MICALL2: variants seen among roughly 807,000 people sequenced by gnomAD.
MICALL2 encodes MICAL like 2, also known as MICAL-like protein 2.
Under a neutral mutation model 91.1 loss-of-function variants are expected in MICALL2, and 111 were observed. The ratio of observed to expected loss-of-function variants is 1.22; its 90% confidence interval spans 1.04 to 1.43. The LOEUF is 1.43. Among genes scored for constraint, MICALL2 ranks in the 40% most tolerant of loss-of-function variants. The pLI is 0.00. For synonymous variants in MICALL2, 694 were observed against 525.3 expected (o/e 1.32, Z -4.39); for missense variants, 1,556 against 1,236.0 (o/e 1.26, Z -3.88).
At chr7:1,447,529 G>A (rs1188224281) in intron 4 of MICALL2, 46 bp downstream of exon 4, 30 of 1,249,142 alleles carry the variant, frequency 2.4e-5, no homozygotes, top group South Asian at 3.1e-5. Context: ...TGCACCCCCC[G>A]GTGGAAAACC....
rs1035095139 is a variant in MICALL2, at chr7:1,459,425, A to G, written c.-99T>C. The G allele has an allele frequency of 1.8e-5, 21 of 1,181,046 alleles. No homozygotes were observed. The highest frequency in any genetic ancestry group is 2.3e-5 in the Non-Finnish European group (21 of 905,146). The allele number at this position is 1,181,046 out of a possible 1,614,324, so 73.2% of individuals were successfully genotyped here. On this transcript the variant is annotated 5_prime_UTR_variant, in exon 1 of 17. Coordinates refer to ENST00000297508, the MANE Select transcript of MICALL2 (RefSeq NM_182924.4). ...CGGCGGGACAGACGCTGGGACCGCT[A>G]CGGAACCGCCAGACCCACGGCGCCC... is the stretch of plus-strand genomic sequence containing the variant.
Position 1,450,253 on chromosome 7 carries a change from T to A in MICALL2, c.179A>T (p.Glu60Val). 6.2e-7 allele frequency: 1 copy of A among 1,612,900 alleles called. No individual in the cohort carries two copies. The highest frequency in any genetic ancestry group is 8.5e-7 in the Non-Finnish European group (1 of 1,179,874). The change falls in exon 2 of 17, where the codon GAA (glutamate) becomes GTA (valine). Residue 60 changes from glutamate to valine, a missense_variant. By Grantham distance (121) the Glu-to-Val change is moderately radical (BLOSUM62 -2). Coordinates refer to ENST00000297508, the MANE Select transcript of MICALL2 (RefSeq NM_182924.4). ...GGGGCCACTCACCAGTTTATTGTTTTCATAAATATTTTCCTTCTTGAGAGC... is the reference window on the plus strand; with the variant it reads ...GGGGCCACTCACCAGTTTATTGTTTACATAAATATTTTCCTTCTTGAGAGC... ...FSALKKENIY[E>V]NNKLAFRVAE... is the part of the protein sequence containing the mutation.
chr7:1,448,786 C>G lies in MICALL2; in HGVS notation c.193-25G>C, dbSNP rs376962730. On this transcript the variant is annotated intron_variant, in intron 2 of 16. Transcript: ENST00000297508. Reference sequence around the variant, plus strand: ...CCTGCGAAAGGTGGGAGGGGGTCAGCGGGGCAGCTGGGAGCCCCCTCCTTC... The same window carrying G: ...CCTGCGAAAGGTGGGAGGGGGTCAGGGGGGCAGCTGGGAGCCCCCTCCTTC... The G allele has an allele frequency of 8.8e-5, 141 of 1,610,222 alleles. 1 individual carries two copies. In the Middle Eastern group the frequency reaches 4.0e-3, roughly 46 times the overall value.
chr7:1,449,096 AG>A (rs1247904448), intron 2 of MICALL2, among the ~76,000 whole-genome samples: 3 of 152,210 alleles, frequency 2.0e-5, no homozygotes, highest in Non-Finnish European at 4.4e-5. Flanking sequence ...CTCCCTCCAG[AG>A]GCAGGGCTGA....
At chr7:1,457,622 C>T (rs1781067284) in intron 1 of MICALL2, among the ~76,000 whole-genome samples, 1 of 152,258 alleles carries the variant, frequency 6.6e-6, no homozygotes, top group Non-Finnish European at 1.5e-5. Flanking sequence ...CCAGTGCATG[C>T]ACATGCACCT....
intron 1 of MICALL2, among the ~76,000 whole-genome samples, 192 bp downstream of exon 1, chr7:1,458,992 G>A (rs908562625): frequency 2.2e-4 from 34 of 152,278 alleles, no homozygotes; most frequent in African/African-American, 7.9e-4. Flanking sequence ...CATGGCTCTG[G>A]CCCAGCTGCA....
Position 1,440,617 on chromosome 7 carries a change from G to A in MICALL2, c.1779C>T (p.Pro593=), listed in dbSNP as rs368634857. The change falls in exon 8 of 17, where the codon CCC becomes CCT. Residue 593 remains proline (P), a synonymous_variant. Coordinates refer to ENST00000297508, the MANE Select transcript of MICALL2 (RefSeq NM_182924.4). Reference sequence around the variant, plus strand: ...TCTCAGCTGGGCTTCTCCTGTCCACGGGCTTCAGATTCGCTCTCCATCCTG... The same window carrying A: ...TCTCAGCTGGGCTTCTCCTGTCCACAGGCTTCAGATTCGCTCTCCATCCTG... ...GPAGWRANLK[P]VDRRSPAERT... 3.4e-5 allele frequency: 55 copies of A among 1,612,608 alleles called. No individual in the cohort carries two copies. The highest frequency in any genetic ancestry group is 4.0e-5 in the African/African-American group (3 of 74,906).
At chr7:1,449,803 T>C (rs1013189210) in intron 2 of MICALL2, among the ~76,000 whole-genome samples, 14 of 152,178 alleles carry the variant, frequency 9.2e-5, no homozygotes, top group African/African-American at 3.4e-4. Flanking sequence ...GCCTGGAAGC[T>C]GGGGTGAGCA....
intron 1 of MICALL2, among the ~76,000 whole-genome samples, chr7:1,455,105 G>A (rs1047179924): frequency 1.3e-5 from 2 of 152,296 alleles, no homozygotes; most frequent in Non-Finnish European, 1.5e-5. Context: ...GGCTTCCTGC[G>A]CCACGCACAA....
chr7:1,441,081 A>C, intron 7 of MICALL2: 1 of 223,604 alleles, frequency 4.5e-6, no homozygotes, highest in Non-Finnish European at 9.2e-6. Context: ...GGCTTTAACA[A>C]TGAGAACTCA....
In MICALL2 at chr7:1,436,726, G is replaced by A. The variant is rs199697519; in HGVS notation, c.2591+16C>T. On this transcript the variant is annotated intron_variant, in intron 15 of 16. Coordinates refer to ENST00000297508, the MANE Select transcript of MICALL2 (RefSeq NM_182924.4). ...CCTGGCCTGGCTGGGAGGGGCCCCC[G>A]GCACCTGCCCCTCACCGGAGCCGGT... 1,051 of 1,589,874 alleles carry A rather than the reference G, an allele frequency of 6.6e-4. 2 individuals carry two copies. In the African/African-American group the frequency reaches 0.011, roughly 16 times the overall value.
At chr7:1,443,842 T>G (rs1203846072) in intron 6 of MICALL2, among the ~76,000 whole-genome samples, 1 of 152,186 alleles carries the variant, frequency 6.6e-6, no homozygotes, top group Non-Finnish European at 1.5e-5. Flanking sequence ...TTCTACTGTG[T>G]AAGCCGCCCA....
At chr7:1,447,801 G>A (rs1183647140) in intron 3 of MICALL2, 36 bp from the exon 4 acceptor site, 1 of 1,444,166 alleles carries the variant, frequency 6.9e-7, no homozygotes, top group Non-Finnish European at 9.2e-7. Flanking sequence ...AGGGTCCCAG[G>A]CCTGGCTCTG....
intron 7 of MICALL2, 58 bp from the exon 8 acceptor site, chr7:1,440,742 G>T: frequency 6.9e-7 from 1 of 1,449,378 alleles, no homozygotes; most frequent in Non-Finnish European, 9.6e-7. Context: ...TGGGGTGTCT[G>T]CAAGGGTGGC....
rs528687650 is a variant in MICALL2, at chr7:1,443,689, C to T, written c.1418+963G>A. On this transcript the variant is annotated intron_variant, in intron 6 of 16. Coordinates refer to ENST00000297508, the MANE Select transcript of MICALL2 (RefSeq NM_182924.4). ...AACGGAGGCAGAGACTGGAGGGAGG[C>T]GACCACAAGCCAAGAACGCTCAGAG... Among the ~76,000 whole-genome samples, 398 of 152,262 alleles carry T rather than the reference C, an allele frequency of 2.6e-3. 1 individual carries two copies. Among genetic ancestry groups the T allele is most frequent in the Non-Finnish European group, 4.6e-3 (312 of 68,012 alleles).
At position 1,438,215 on chromosome 7, in the gene MICALL2, G is replaced by T. The variant is rs780139892; in HGVS notation, c.2193C>A (p.His731Gln). The T allele has an allele frequency of 1.9e-6, 3 of 1,586,792 alleles. No individual in the cohort carries two copies. Among genetic ancestry groups the T allele is most frequent in the Non-Finnish European group, 2.6e-6 (3 of 1,166,662 alleles). The change falls in exon 12 of 17, where the codon CAC becomes CAA. Residue 731 changes from histidine to glutamine, a missense_variant. Transcript: ENST00000297508. ...TCTCCTCCGGGGAGAGGTAGTCGGG[G>T]TGCAGCTGGGAACGGAGGGGCGGTG... is the stretch of plus-strand genomic sequence containing the variant. ...GETVTSPVRL[H>Q]PDYLSPEEIQ...
chr7:1,438,168 A>G lies in MICALL2; in HGVS notation c.2240T>C (p.Ile747Thr). Residue 747 changes from isoleucine (I) to threonine (T), a missense_variant, in exon 12 of 17, where the codon ATC (isoleucine) becomes ACC (threonine). Ile to Thr is a moderately conservative substitution (Grantham distance 89). Coordinates refer to ENST00000297508, the MANE Select transcript of MICALL2 (RefSeq NM_182924.4). The stretch of plus-strand genomic sequence containing the variant: ...CTCCAGGGCGTCCAGCCGCCTCTCG[A>G]TGTCCTGCAGCTGCCTCTGTATCTC... ...PEEIQRQLQDIERRLDALELR... is the reference protein window; with the variant it reads ...PEEIQRQLQDTERRLDALELR... 1 of 1,567,824 alleles carries G rather than the reference A, an allele frequency of 6.4e-7. No homozygotes were observed. The highest frequency in any genetic ancestry group is 1.2e-5 in the South Asian group (1 of 85,626).
chr7:1,459,200 G>A lies in MICALL2; in HGVS notation c.127C>T (p.His43Tyr). 6.2e-7 allele frequency: 1 copy of A among 1,610,296 alleles called. No individual in the cohort carries two copies. Among genetic ancestry groups the A allele is most frequent in the Non-Finnish European group, 8.5e-7 (1 of 1,178,690 alleles). Residue 43 changes from histidine to tyrosine, a missense_variant, in exon 1 of 17, where the codon CAC becomes TAC. Coordinates refer to ENST00000297508, the MANE Select transcript of MICALL2 (RefSeq NM_182924.4). The part of the protein sequence containing the change: ...GLAFCAILHR[H>Y]RPDLINFSAL... ...AGGACTTACATGAGGTCGGGCCGGT[G>A]GCGGTGCAGGATGGCGCAGAAAGCC...
chr7:1,440,111 C>T (rs756092602), intron 8 of MICALL2, 26 bp from the exon 9 acceptor site: 1 of 1,568,344 alleles, frequency 6.4e-7, no homozygotes, highest in Non-Finnish European at 8.6e-7. Flanking sequence ...GAGGTCGGAA[C>T]CCGAACCACC....
Sources: gnomAD v4.1 joint callset for allele counts (sites outside exome capture counted in the v4.1 genomes callset) on GRCh38, gnomAD v4.1.1 for gene constraint, MANE v1.5 for transcripts, NCBI Gene and HGNC (gene_info 2026-07-23, HGNC 2026-07-21) for gene names.